Variants in PAM observed in about 807,000 individuals in gnomAD.
PAM encodes peptidylglycine alpha-amidating monooxygenase.
Under a neutral mutation model 122.1 loss-of-function variants are expected in PAM, and 72 were observed. That is an observed-to-expected ratio of 0.59 (90% confidence interval 0.49 to 0.72). PAM has a LOEUF of 0.72. PAM is among the 30% of genes least tolerant of loss of function. The pLI is 0.00. For missense variants in PAM, 1,106 were observed against 1,183.7 expected, an observed-to-expected ratio of 0.93 and a Z score of 0.96; for synonymous variants, 389 against 404.4, an observed-to-expected ratio of 0.96 and a Z score of 0.46.
chr5:102,891,065 G>GA (rs752238428), intron 3 of PAM, among the ~76,000 whole-genome samples: 2 of 151,710 alleles, frequency 1.3e-5, no homozygotes, highest in Non-Finnish European at 2.9e-5. Context: ...ATGCTTAAAG[G>GA]AAAAAATGAC....
chr5:102,815,310 A>C (rs1166573833), intron 1 of PAM, among the ~76,000 whole-genome samples: 11 of 152,140 alleles, frequency 7.2e-5, no homozygotes, highest in Non-Finnish European at 1.6e-4. Context: ...GAGCACCGAG[A>C]TTGTGTTGGG....
intron 7 of PAM, among the ~76,000 whole-genome samples, chr5:102,942,501 G>C (rs1755596000): frequency 6.6e-6 from 1 of 151,924 alleles, no homozygotes; most frequent in Admixed American, 6.6e-5. Context: ...AAGTAGAGAA[G>C]GTGGCCTTTA....
chr5:102,779,073 T>C (rs1357048827), intron 1 of PAM, among the ~76,000 whole-genome samples: 1 of 152,150 alleles, frequency 6.6e-6, no homozygotes, highest in Non-Finnish European at 1.5e-5. Context: ...TGAGGTACTT[T>C]ATAATACAAA....
chr5:102,948,501 G>A, intron 9 of PAM, 56 bp downstream of exon 9: 1 of 798,706 alleles, frequency 1.3e-6, no homozygotes, highest in Non-Finnish European at 2.1e-6. Context: ...CTGTAGAAAT[G>A]GATTTATACT....
At chr5:103,008,717 G>T (rs1779769142) in intron 20 of PAM, among the ~76,000 whole-genome samples, 1 of 152,014 alleles carries the variant, frequency 6.6e-6, no homozygotes, top group Admixed American at 6.6e-5. Flanking sequence ...AAGGAATAAA[G>T]AAAAAGTAAT....
intron 17 of PAM, 146 bp from the exon 18 acceptor site, chr5:103,005,008 T>A: frequency 1.7e-6 from 1 of 585,974 alleles, no homozygotes; most frequent in Non-Finnish European, 3.1e-6. Flanking sequence ...TTATTAACTA[T>A]TCATTTTGTT....
chr5:102,849,028 G>A (rs1780672189), intron 1 of PAM, among the ~76,000 whole-genome samples: 1 of 152,076 alleles, frequency 6.6e-6, no homozygotes, highest in African/African-American at 2.4e-5. Flanking sequence ...TCCAGAGAAT[G>A]GAGAGAGAAA....
intron 12 of PAM, among the ~76,000 whole-genome samples, chr5:102,951,622 G>A (rs959532217): frequency 6.6e-6 from 1 of 152,044 alleles, no homozygotes; most frequent in Admixed American, 6.6e-5. Context: ...TGATTCTTGC[G>A]ATAGCAACAC....
At chr5:102,791,660 T>G (rs1049913440) in intron 1 of PAM, among the ~76,000 whole-genome samples, 1 of 152,150 alleles carries the variant, frequency 6.6e-6, no homozygotes, top group African/African-American at 2.4e-5. Flanking sequence ...AAATAAATTT[T>G]AAAACCAAAC....
At position 102,927,543 on chromosome 5, in the gene PAM, A is replaced by C. The variant is rs1219355956; in HGVS notation, c.526+875A>C. Reference sequence around the variant, plus strand: ...TACATTAGCTATCTCTCCAGCAACTAAGTTTGGAAGTAGATGTCCATCTCT... The same window carrying C: ...TACATTAGCTATCTCTCCAGCAACTCAGTTTGGAAGTAGATGTCCATCTCT... On this transcript the variant is annotated intron_variant, in intron 7 of 25. Coordinates refer to ENST00000438793, the MANE Select transcript of PAM (RefSeq NM_001177306.2). 3.9e-5 allele frequency among the ~76,000 whole-genome samples: 6 copies of C among 152,114 alleles called. 1 individual carries two copies. Among genetic ancestry groups the C allele is most frequent in the African/African-American group, 1.4e-4 (6 of 41,432 alleles).
chr5:102,780,455 A>T (rs1758415157), intron 1 of PAM, among the ~76,000 whole-genome samples: 1 of 152,188 alleles, frequency 6.6e-6, no homozygotes, highest in African/African-American at 2.4e-5. Context: ...TTGTGTTTTT[A>T]TGTAAAATGG....
In PAM at chr5:102,867,410, CT is replaced by C. The variant is rs750280392; in HGVS notation, c.210+20del. ...CCTAAACAGGTGAGAGGAATTTTGT[CT>C]TTCATTATTCACTTGTTCTGGATAC... On this transcript the variant is annotated intron_variant, in intron 3 of 25. Coordinates refer to ENST00000438793, the MANE Select transcript of PAM (RefSeq NM_001177306.2). 1.3e-6 allele frequency: 2 copies of C among 1,592,994 alleles called. No homozygotes were observed. The highest frequency in any genetic ancestry group is 8.6e-7 in the Non-Finnish European group (1 of 1,162,832).
chr5:102,892,554 T>A (rs188506955), intron 3 of PAM, among the ~76,000 whole-genome samples: 1 of 151,876 alleles, frequency 6.6e-6, no homozygotes, highest in Admixed American at 6.6e-5. Flanking sequence ...GATGACTGTA[T>A]GCACAATAAT....
At chr5:102,812,503 T>C (rs1768235335) in intron 1 of PAM, among the ~76,000 whole-genome samples, 1 of 152,138 alleles carries the variant, frequency 6.6e-6, no homozygotes, top group Admixed American at 6.5e-5. Flanking sequence ...CCAACTGTTT[T>C]CCTACACATA....
chr5:102,946,028 T>A (rs968029250), intron 7 of PAM, among the ~76,000 whole-genome samples: 1 of 152,162 alleles, frequency 6.6e-6, no homozygotes, highest in African/African-American at 2.4e-5. Context: ...CAAAACTAGC[T>A]GAAGTTTCTG....
intron 3 of PAM, among the ~76,000 whole-genome samples, chr5:102,884,730 T>A (rs1792407099): frequency 6.6e-6 from 1 of 151,900 alleles, no homozygotes. Context: ...GAACATACTT[T>A]TTCAAGGCAC....
At chr5:103,027,699 G>A (rs780254244) in intron 24 of PAM, among the ~76,000 whole-genome samples, 8 of 152,138 alleles carry the variant, frequency 5.3e-5, no homozygotes, top group Non-Finnish European at 1.2e-4. Flanking sequence ...AGCAAGATAC[G>A]TACTGTCAGT....
intron 24 of PAM, among the ~76,000 whole-genome samples, chr5:103,026,256 G>A (rs1164032150): frequency 6.6e-6 from 1 of 152,134 alleles, no homozygotes; most frequent in South Asian, 2.1e-4. Context: ...GTCTATAGCT[G>A]TGTGTGGGAA....
At chr5:102,827,217 A>G (rs1358435600) in intron 1 of PAM, among the ~76,000 whole-genome samples, 3 of 152,204 alleles carry the variant, frequency 2.0e-5, no homozygotes, top group Non-Finnish European at 2.9e-5. Context: ...CCAAAATGTT[A>G]AACTTTTTGA....
Sources: allele counts gnomAD v4.1 joint callset (sites outside exome capture counted in the v4.1 genomes callset), GRCh38; gene constraint gnomAD v4.1.1; transcripts MANE v1.5; gene names NCBI Gene and HGNC (gene_info 2026-07-23, HGNC 2026-07-21).